The following RECQL variants were observed in gnomAD, a reference collection of about 807,000 sequenced individuals.
RECQL encodes RecQ like helicase, also known as ATP-dependent DNA helicase Q1.
RECQL carries 73 observed loss-of-function variants against 75.8 expected under a neutral mutation model. The observed-to-expected ratio is 0.96, with a 90% confidence interval of 0.80 to 1.17. RECQL has a LOEUF of 1.17. Among genes scored for constraint, RECQL ranks in the 50% most tolerant of loss-of-function variants. The probability of loss-of-function intolerance (pLI) is 0.00; values close to 1 mark genes in which losing one functional copy is unlikely to be tolerated. For missense variants in RECQL, 699 were observed against 772.1 expected (o/e 0.91, Z 1.12); for synonymous variants, 248 against 254.4 (o/e 0.97, Z 0.24).
At chr12:21,481,953 G>A (rs1440116438) in intron 6 of RECQL, among the ~76,000 whole-genome samples, 1 of 151,886 alleles carries the variant, frequency 6.6e-6, no homozygotes, top group African/African-American at 2.4e-5. Flanking sequence ...TCTGGGGGTG[G>A]GTCACCGATG....
rs2137337722 is a variant in RECQL, at chr12:21,475,501, T to A, written c.1183A>T (p.Met395Leu). The part of the protein sequence containing the change: ...FVIHHSMSKS[M>L]ENYYQESGRA... ...CCACTCTCTTGGTAATAATTTTCCA[T>A]GGATTTACTCATTGAATGATGGATA... Residue 395 changes from methionine (M) to leucine (L), a missense_variant, in exon 10 of 15, where the codon ATG becomes TTG. Around this residue, in one of 2 missense-constraint regions of RECQL, gnomAD observed 669 missense variants for 713.5 expected, o/e 0.94. Transcript: ENST00000444129. The A allele has an allele frequency of 6.2e-7, 1 of 1,612,278 alleles. No homozygotes were observed. Among genetic ancestry groups the A allele is most frequent in the Non-Finnish European group, 8.5e-7 (1 of 1,178,812 alleles).
chr12:21,474,020 G>A (rs997460523), intron 11 of RECQL, among the ~76,000 whole-genome samples: 7 of 152,068 alleles, frequency 4.6e-5, no homozygotes, highest in Admixed American at 2.0e-4. Context: ...TTGTGCCCCC[G>A]ACATAGGACT....
chr12:21,496,428 T>C lies in RECQL; in HGVS notation c.16+3127A>G, dbSNP rs556301203. On this transcript the variant is annotated intron_variant, in intron 2 of 14. Coordinates refer to ENST00000444129, the MANE Select transcript of RECQL (RefSeq NM_002907.4). ...AGCAGTTTGCTGAGCCAGCAATGTATCTTTATTCTCCCACCTCAGAGCTAT... is the reference window on the plus strand; with the variant it reads ...AGCAGTTTGCTGAGCCAGCAATGTACCTTTATTCTCCCACCTCAGAGCTAT... Among the ~76,000 whole-genome samples the C allele has an allele frequency of 7.9e-5, 12 of 152,370 alleles. No individual in the cohort carries two copies. The South Asian group carries it at 2.5e-3, about 32-fold the overall frequency.
intron 6 of RECQL, 55 bp from the exon 7 acceptor site, chr12:21,478,024 T>C: frequency 1.3e-6 from 2 of 1,503,758 alleles, no homozygotes; most frequent in Non-Finnish European, 1.8e-6. Flanking sequence ...TAGAGTAAAT[T>C]ATATCTTTTA....
rs1943051238 is a variant in RECQL, at chr12:21,474,882, C to G, written c.1314G>C (p.Gln438His). ...SMVVMENVGQQKLYEMVSYCQ... is the reference protein window; with the variant it reads ...SMVVMENVGQHKLYEMVSYCQ... ...AGTATGATACCATCTCATAAAGCTT[C>G]TGCTGTCCCACATTTTCCATCACCA... The change falls in exon 11 of 15, where the codon CAG (glutamine) becomes CAC (histidine). Residue 438 changes from glutamine (Q) to histidine (H), a missense_variant. Gln to His is a conservative substitution (Grantham distance 24). Around this residue, in one of 2 missense-constraint regions of RECQL, gnomAD observed 669 missense variants for 713.5 expected, o/e 0.94. Coordinates refer to ENST00000444129, the MANE Select transcript of RECQL (RefSeq NM_002907.4). 1 of 1,613,166 alleles carries G rather than the reference C, an allele frequency of 6.2e-7. No individual in the cohort carries two copies. Among genetic ancestry groups the G allele is most frequent in the East Asian group, 2.2e-5 (1 of 44,846 alleles).
chr12:21,486,386 C>G, intron 5 of RECQL, 93 bp downstream of exon 5: 1 of 1,390,348 alleles, frequency 7.2e-7, no homozygotes, highest in Non-Finnish European at 9.4e-7. Flanking sequence ...AAATAGTTAA[C>G]AGTTTATAAT....
rs771743018 is a variant in RECQL at position 21,483,390 on chromosome 12, T to A, written c.686A>T (p.His229Leu). Reference sequence around the variant, plus strand: ...AACATACATACCAGGTCTGAAATCATGTCCCCACTGACTACAGCAGTGAAC... The same window carrying A: ...AACATACATACCAGGTCTGAAATCAAGTCCCCACTGACTACAGCAGTGAAC... ...DEVHCCSQWG[H>L]DFRPDYKALG... Residue 229 changes from histidine (H) to leucine (L), a missense_variant, in exon 6 of 15, where the codon CAT becomes CTT. Physicochemically the swap from His to Leu is moderately conservative, Grantham distance 99. Transcript: ENST00000444129. The A allele has an allele frequency of 6.2e-7, 1 of 1,602,058 alleles. No homozygotes were observed. The highest frequency in any genetic ancestry group is 1.3e-5 in the African/African-American group (1 of 74,186).
chr12:21,483,070 CA>C (rs758430779), intron 6 of RECQL, among the ~76,000 whole-genome samples: 48 of 149,394 alleles, frequency 3.2e-4, no homozygotes, highest in Non-Finnish European at 5.8e-4. Flanking sequence ...CATATGTGTC[CA>C]TATTTGTCCA....
Position 21,494,089 on chromosome 12 carries a change from G to T in RECQL, c.17-2373C>A, listed in dbSNP as rs376198516. Among the ~76,000 whole-genome samples, 19 of 152,272 alleles carry T rather than the reference G, an allele frequency of 1.2e-4. No individual in the cohort carries two copies. The East Asian group carries it at 1.4e-3, about 11-fold the overall frequency. On this transcript the variant is annotated intron_variant, in intron 2 of 14. Coordinates refer to ENST00000444129, the MANE Select transcript of RECQL (RefSeq NM_002907.4). ...CCCCAGGAAGCTTCCAATCATGACA[G>T]AAGGCAAAGGGGGGCAGGTGTGTCA...
At chr12:21,483,781 A>G (rs549666482) in intron 5 of RECQL, among the ~76,000 whole-genome samples, 84 of 152,304 alleles carry the variant, frequency 5.5e-4, no homozygotes, top group Middle Eastern at 3.4e-3. Context: ...GTTATTTACT[A>G]ACGTCTACAT....
intron 5 of RECQL, among the ~76,000 whole-genome samples, chr12:21,485,491 G>C (rs1355975925): frequency 6.6e-6 from 1 of 151,768 alleles, no homozygotes; most frequent in Non-Finnish European, 1.5e-5. Context: ...GAGAACCTAT[G>C]GGTATATCAA....
chr12:21,495,243 T>C (rs1943483404), intron 2 of RECQL, among the ~76,000 whole-genome samples: 1 of 152,180 alleles, frequency 6.6e-6, no homozygotes, highest in South Asian at 2.1e-4. Context: ...AAAATGTATG[T>C]AATGAATCTT....
At chr12:21,493,400 T>C (rs1357455140) in intron 2 of RECQL, among the ~76,000 whole-genome samples, 4 of 152,274 alleles carry the variant, frequency 2.6e-5, no homozygotes, top group African/African-American at 9.6e-5. Flanking sequence ...TGCTTCTAAG[T>C]GTGCAAAGAA....
Position 21,473,658 on chromosome 12 carries a change from A to T in RECQL, c.1356-16T>A. ...ACGACGACATCTGCAAACACATTTA[A>T]AGATACAAATTATTAAAGGATATAA... On this transcript the variant is annotated splice_polypyrimidine_tract_variant and intron_variant, in intron 11 of 14. Transcript: ENST00000444129. The T allele has an allele frequency of 6.2e-7, 1 of 1,603,286 alleles. No individual in the cohort carries two copies. The highest frequency in any genetic ancestry group is 8.5e-7 in the Non-Finnish European group (1 of 1,171,528).
chr12:21,471,597 G>A lies in RECQL; in HGVS notation c.1498C>T (p.Leu500=). Residue 500 remains leucine (L), a synonymous_variant, in exon 13 of 15, where the codon CTG becomes TTG. Coordinates refer to ENST00000444129, the MANE Select transcript of RECQL (RefSeq NM_002907.4). ...TEYCRDLIKI[L]KQAEELNEKL... is the part of the protein sequence containing the mutation. ...TCATTCAGTTCCTCTGCCTGCTTCA[G>A]GATCTTGATTAGATCTCTGCAGTAC... 6.2e-7 allele frequency: 1 copy of A among 1,612,650 alleles called. No individual in the cohort carries two copies. Among genetic ancestry groups the A allele is most frequent in the Non-Finnish European group, 8.5e-7 (1 of 1,179,194 alleles).
intron 6 of RECQL, among the ~76,000 whole-genome samples, chr12:21,481,844 G>A (rs1404358953): frequency 6.6e-6 from 1 of 151,920 alleles, no homozygotes; most frequent in Non-Finnish European, 1.5e-5. Flanking sequence ...AGTAACCAAG[G>A]GAGTAGAATG....
In RECQL at chr12:21,476,963, A is replaced by C; in HGVS notation, c.897T>G (p.Asp299Glu). The C allele has an allele frequency of 6.2e-7, 1 of 1,610,518 alleles. No individual in the cohort carries two copies. The part of the protein sequence containing the change: ...EVRQKPSNTE[D>E]FIEDIVKLIN... ...TGAGCTTTACAATATCCTCAATAAA[A>C]TCTTCAGTGTTTGAGGGCTTCTGCC... Residue 299 changes from aspartate to glutamate, a missense_variant, in exon 8 of 15, where the codon GAT (aspartate) becomes GAG (glutamate). Coordinates refer to ENST00000444129, the MANE Select transcript of RECQL (RefSeq NM_002907.4).
At chr12:21,475,317 C>A in intron 10 of RECQL, 151 bp downstream of exon 10, 1 of 566,536 alleles carries the variant, frequency 1.8e-6, no homozygotes, top group Admixed American at 3.5e-5. Flanking sequence ...AAAAATTTCT[C>A]CATATGCAAG....
chr12:21,485,802 G>T (rs1943284190), intron 5 of RECQL, among the ~76,000 whole-genome samples: 1 of 151,970 alleles, frequency 6.6e-6, no homozygotes, highest in Non-Finnish European at 1.5e-5. Flanking sequence ...TGTTGAAGGG[G>T]GAAATGGCTA....
Sources: allele counts gnomAD v4.1 joint callset (sites outside exome capture counted in the v4.1 genomes callset), GRCh38; gene constraint gnomAD v4.1.1; regional missense constraint gnomAD v4.1.1; transcripts MANE v1.5; gene names NCBI Gene and HGNC (gene_info 2026-07-23, HGNC 2026-07-21).